LGI4: variants seen among roughly 807,000 people sequenced by gnomAD.
LGI4 encodes the protein leucine rich repeat LGI family member 4.
Under a neutral mutation model 48.3 loss-of-function variants are expected in LGI4, and 36 were observed. That is an observed-to-expected ratio of 0.75 (90% CI 0.57 to 0.98). The LOEUF is 0.98. Among genes scored for constraint, LGI4 ranks in the 50% least tolerant of loss-of-function variants. LGI4 has a pLI of 0.00. For missense variants in LGI4, 701 were observed against 732.1 expected (o/e 0.96, Z 0.49); for synonymous variants, 355 against 331.6 (o/e 1.07, Z -0.77).
chr19:35,134,225 T>G lies in LGI4; in HGVS notation c.171-121A>C. ...ACCCTGACCCTGGATGTGTCTCCCCTGCATGCCAGAGGAGGCAGGCATTTG... is the reference window on the plus strand; with the variant it reads ...ACCCTGACCCTGGATGTGTCTCCCCGGCATGCCAGAGGAGGCAGGCATTTG... On this transcript the variant is annotated intron_variant, in intron 1 of 8. Transcript: ENST00000310123. 3.2e-6 allele frequency: 3 copies of G among 935,580 alleles called. No individual in the cohort carries two copies. The East Asian group carries it at 8.0e-5, about 25-fold the overall frequency. 58.0% of individuals were successfully genotyped at this position (935,580 alleles called of 1,614,324 possible).
intron 3 of LGI4, chr19:35,133,385 G>A (rs535544203): frequency 5.7e-6 from 7 of 1,220,484 alleles, no homozygotes; most frequent in Non-Finnish European, 7.2e-6. Context: ...ACCCTTCCTG[G>A]GTTTCTATGA....
At position 35,126,754 on chromosome 19, in the gene LGI4, T is replaced by A. The variant is rs572438099; in HGVS notation, c.815A>T (p.Lys272Met). ...ELPAASVVSC[K>M]PLVLGPSLFV... ...GAGGCTCGGGCCCAGCACCAGTGGCTTGCAGGACACCACGGAGGCCGCTGT... is the reference window on the plus strand; with the variant it reads ...GAGGCTCGGGCCCAGCACCAGTGGCATGCAGGACACCACGGAGGCCGCTGT... The change falls in exon 8 of 9, where the codon AAG (lysine) becomes ATG (methionine). Residue 272 changes from lysine to methionine, a missense_variant. Physicochemically the swap from Lys to Met is moderately conservative, Grantham distance 95. Around this residue, in one of 3 missense-constraint regions of LGI4, gnomAD observed 462 missense variants for 436.4 expected, o/e 1.06. Coordinates refer to ENST00000310123, the MANE Select transcript of LGI4 (RefSeq NM_139284.3). 1.2e-5 allele frequency: 19 copies of A among 1,543,704 alleles called. No individual in the cohort carries two copies. In the South Asian group the frequency reaches 2.3e-4, roughly 18 times the overall value.
At chr19:35,125,540 C>A in intron 8 of LGI4, 33 bp from the exon 9 acceptor site, 1 of 1,493,940 alleles carries the variant, frequency 6.7e-7, no homozygotes, top group South Asian at 1.3e-5. Context: ...GGCCTGGGGT[C>A]CCGGGGGTCT....
In LGI4 at chr19:35,126,646, G is replaced by A. The variant is rs1248036225; in HGVS notation, c.923C>T (p.Thr308Ile). The A allele has an allele frequency of 1.3e-6, 2 of 1,538,508 alleles. No individual in the cohort carries two copies. The highest frequency in any genetic ancestry group is 1.2e-5 in the South Asian group (1 of 84,162). Residue 308 changes from threonine (T) to isoleucine (I), a missense_variant, in exon 8 of 9, where the codon ACC (threonine) becomes ATC (isoleucine). This residue lies in a region of LGI4 where 462 missense variants were observed against 436.4 expected (regional missense o/e 1.06). Transcript: ENST00000310123. The stretch of plus-strand genomic sequence containing the variant: ...CCGCAGCAGCCGCCGCGGGGCCAGG[G>A]TCTGCGTTGGGGCCAGGCGCAGGCC... ...SPGLRLAPTQTLAPRRLLRPN... is the reference protein window; with the variant it reads ...SPGLRLAPTQILAPRRLLRPN...
In LGI4 at chr19:35,134,597, G is replaced by A; in HGVS notation, c.84C>T (p.Pro28=). Residue 28 remains proline (P), a synonymous_variant, in exon 1 of 9, where the codon CCC becomes CCT. Transcript: ENST00000310123. ...VAWRPPKGKC[P]LRCSCSKDSA... ...TGTCTTTAGAGCAGGAGCAGCGCAG[G>A]GGACACTTTCCCTTTGGGGGTCTCC... The A allele has an allele frequency of 6.3e-7, 1 of 1,587,944 alleles. No individual in the cohort carries two copies. The highest frequency in any genetic ancestry group is 8.6e-7 in the Non-Finnish European group (1 of 1,167,738).
chr19:35,134,127 G>A, intron 1 of LGI4, 23 bp from the exon 2 acceptor site: 1 of 1,553,638 alleles, frequency 6.4e-7, no homozygotes, highest in South Asian at 1.2e-5. Flanking sequence ...GCAGTGGTAG[G>A]TGAGAGGGAC....
At chr19:35,125,802 C>T (rs2065130329) in intron 8 of LGI4, 2 of 628,622 alleles carry the variant, frequency 3.2e-6, no homozygotes, top group African/African-American at 3.6e-5. Flanking sequence ...ACCATCCTGG[C>T]AGCCTCTTCC....
Position 35,124,596 on chromosome 19 carries a change from C to G in LGI4, c.*597G>C, listed in dbSNP as rs1179255570. The G allele has an allele frequency of 6.7e-6, 1 of 150,156 alleles. No homozygotes were observed. Among genetic ancestry groups the G allele is most frequent in the East Asian group, 1.9e-4 (1 of 5,148 alleles). 9.3% of individuals were successfully genotyped at this position (150,156 alleles called of 1,614,324 possible). A position where few individuals can be genotyped will look rare whatever the true frequency, so the allele number is the denominator to read the frequency against. On this transcript the variant is annotated 3_prime_UTR_variant, in exon 9 of 9. Transcript: ENST00000310123. Reference sequence around the variant, plus strand: ...ATCTAGAAGGGCACCAGGCTCCCCGCGACACCTCCCGCTGTCCCTCCCTGT... The same window carrying G: ...ATCTAGAAGGGCACCAGGCTCCCCGGGACACCTCCCGCTGTCCCTCCCTGT...
intron 3 of LGI4, 60 bp downstream of exon 3, chr19:35,133,633 G>A: frequency 6.6e-7 from 1 of 1,526,644 alleles, no homozygotes; most frequent in Non-Finnish European, 8.9e-7. Flanking sequence ...TACTCTGGGA[G>A]CCACAGAAGG....
Position 35,132,043 on chromosome 19 carries a change from C to A in LGI4, c.315-1G>T. 6.4e-7 allele frequency: 1 copy of A among 1,572,710 alleles called. No individual in the cohort carries two copies. Among genetic ancestry groups the A allele is most frequent in the Non-Finnish European group, 8.6e-7 (1 of 1,158,374 alleles). ...GCCAATCTCATTGTCCTCGATGAAGCTGTGGAGGGAAGCTGGGGTCAGGGG... is the reference window on the plus strand; with the variant it reads ...GCCAATCTCATTGTCCTCGATGAAGATGTGGAGGGAAGCTGGGGTCAGGGG... On this transcript the variant is annotated splice_acceptor_variant, in intron 3 of 8. Coordinates refer to ENST00000310123, the MANE Select transcript of LGI4 (RefSeq NM_139284.3). LOFTEE classifies it high-confidence loss of function.
At chr19:35,131,927 C>T in intron 4 of LGI4, 44 bp downstream of exon 4, 1 of 1,570,314 alleles carries the variant, frequency 6.4e-7, no homozygotes, top group Non-Finnish European at 8.6e-7. Context: ...GGGGGTGGAG[C>T]ATGGGTGCCT....
intron 6 of LGI4, among the ~76,000 whole-genome samples, chr19:35,127,469 C>A (rs1011704864): frequency 6.6e-6 from 1 of 152,170 alleles, no homozygotes; most frequent in Non-Finnish European, 1.5e-5. Flanking sequence ...ACATGAGCCA[C>A]CTCCACCTCC....
At chr19:35,133,255 A>G (rs2065187379) in intron 3 of LGI4, 3 of 802,644 alleles carry the variant, frequency 3.7e-6, no homozygotes, top group African/African-American at 1.9e-5. Context: ...CGCTGCCACC[A>G]TCACCACCAC....
chr19:35,130,143 C>T (rs1012980841), intron 6 of LGI4, among the ~76,000 whole-genome samples: 1 of 152,172 alleles, frequency 6.6e-6, no homozygotes, highest in Non-Finnish European at 1.5e-5. Flanking sequence ...ACATCCCCCT[C>T]GCTGAGATAG....
Position 35,125,506 on chromosome 19 carries a change from A to T in LGI4, c.1301T>A (p.Val434Asp), listed in dbSNP as rs1064797094. The change falls in exon 9 of 9, where the codon GTC (valine) becomes GAC (aspartate). Residue 434 changes from valine to aspartate, a missense_variant and splice_region_variant. Coordinates refer to ENST00000310123, the MANE Select transcript of LGI4 (RefSeq NM_139284.3). ...CLTRYIGDSMVMRWDGSMFRL... is the reference protein window; with the variant it reads ...CLTRYIGDSMDMRWDGSMFRL... ...AAACATGGAGCCGTCCCAGCGCATGACCTGTGGGGGTGTGGCCAGTGAGGG... is the reference window on the plus strand; with the variant it reads ...AAACATGGAGCCGTCCCAGCGCATGTCCTGTGGGGGTGTGGCCAGTGAGGG... 1 of 1,547,360 alleles carries T rather than the reference A, an allele frequency of 6.5e-7. No individual in the cohort carries two copies. Among genetic ancestry groups the T allele is most frequent in the African/African-American group, 1.4e-5 (1 of 73,984 alleles).
intron 8 of LGI4, chr19:35,125,740 G>T: frequency 1.4e-6 from 1 of 690,884 alleles, no homozygotes; most frequent in Non-Finnish European, 2.6e-6. Context: ...ACCTTCTACA[G>T]TTGTACATTT....
Position 35,134,681 on chromosome 19 carries a change from GC to G in LGI4, c.-2del. The G allele has an allele frequency of 8.1e-7, 1 of 1,237,588 alleles. No homozygotes were observed. Among genetic ancestry groups the G allele is most frequent in the East Asian group, 2.6e-5 (1 of 37,740 alleles). The allele number at this position is 1,237,588 out of a possible 1,614,324, so 76.7% of individuals were successfully genotyped here. A position where few individuals can be genotyped will look rare whatever the true frequency, so the allele number is the denominator to read the frequency against. ...GCAGCAGAATGCCTGCCCCTCCCAT[GC>G]CCCCACCCCCACTCTGAGGCACCCG... On this transcript the variant is annotated 5_prime_UTR_variant, in exon 1 of 9. Coordinates refer to ENST00000310123, the MANE Select transcript of LGI4 (RefSeq NM_139284.3).
rs144249777 is a variant in LGI4 at position 35,125,368 on chromosome 19, C to T, written c.1439G>A (p.Arg480His). The change falls in exon 9 of 9, where the codon CGC becomes CAC. Residue 480 changes from arginine (R) to histidine (H), a missense_variant. Around this residue, in one of 3 missense-constraint regions of LGI4, gnomAD observed 223 missense variants for 263.3 expected, o/e 0.85. Transcript: ENST00000310123. ...CAGGAGCCCCTTGTCAGGCTCAAGG[C>T]GGAGGACCTGGCTGAAGGCGAAGTC... ...GSDFAFSQVL[R>H]LEPDKGLLEP... The T allele has an allele frequency of 9.3e-6, 15 of 1,613,352 alleles. No individual in the cohort carries two copies. Among genetic ancestry groups the T allele is most frequent in the African/African-American group, 5.3e-5 (4 of 74,924 alleles).
At chr19:35,134,171 T>C (rs2065193898) in intron 1 of LGI4, 67 bp from the exon 2 acceptor site, 2 of 1,427,006 alleles carry the variant, frequency 1.4e-6, no homozygotes, top group Non-Finnish European at 1.9e-6. Flanking sequence ...AACCAGAACC[T>C]TCTGCCATCC....
Sources: gnomAD v4.1 joint callset for allele counts (sites outside exome capture counted in the v4.1 genomes callset) on GRCh38, gnomAD v4.1.1 for gene constraint, gnomAD v4.1.1 regional missense constraint, MANE v1.5 for transcripts, NCBI Gene and HGNC (gene_info 2026-07-23, HGNC 2026-07-21) for gene names.